Variants in OSBPL6 observed in about 807,000 individuals in gnomAD.
The protein encoded by OSBPL6 is oxysterol binding protein like 6, also known as oxysterol-binding protein-related protein 6.
A neutral mutation model predicts 125.8 loss-of-function variants in OSBPL6; 49 were observed. The observed-to-expected ratio is 0.39, with a 90% CI of 0.31 to 0.49. The LOEUF (loss-of-function observed/expected upper bound fraction) is 0.49. Among genes scored for constraint, OSBPL6 ranks in the 20% least tolerant of loss-of-function variants. The pLI, the probability that OSBPL6 is intolerant of heterozygous loss-of-function variation, is 0.88. For missense variants in OSBPL6, 986 were observed against 1,135.4 expected, an observed-to-expected ratio of 0.87 and a Z score of 1.89; for synonymous variants, 394 against 391.8, an observed-to-expected ratio of 1.01 and a Z score of -0.07.
chr2:178,258,203 C>T (rs532206404), intron 1 of OSBPL6, among the ~76,000 whole-genome samples: 13 of 151,652 alleles, frequency 8.6e-5, no homozygotes, highest in Non-Finnish European at 1.6e-4. Flanking sequence ...CCAATTCAAG[C>T]GCTTCTCCTG....
At chr2:178,274,799 C>T (rs1177686751) in intron 1 of OSBPL6, among the ~76,000 whole-genome samples, 1 of 152,182 alleles carries the variant, frequency 6.6e-6, no homozygotes, top group African/African-American at 2.4e-5. Flanking sequence ...GTTGTCCACT[C>T]AACAGTATGT....
intron 2 of OSBPL6, among the ~76,000 whole-genome samples, chr2:178,285,843 A>G (rs958143219): frequency 2.0e-5 from 3 of 152,136 alleles, no homozygotes; most frequent in Non-Finnish European, 4.4e-5. Flanking sequence ...CCTCTGCTCA[A>G]ACCTTATTTG....
intron 2 of OSBPL6, among the ~76,000 whole-genome samples, chr2:178,299,390 A>G (rs987724028): frequency 2.0e-5 from 3 of 152,172 alleles, no homozygotes; most frequent in Non-Finnish European, 2.9e-5. Flanking sequence ...CTGTACTACT[A>G]CTATTAACCA....
chr2:178,234,880 C>T (rs980169900), intron 1 of OSBPL6, among the ~76,000 whole-genome samples: 1 of 152,134 alleles, frequency 6.6e-6, no homozygotes, highest in Non-Finnish European at 1.5e-5. Context: ...TTAAGAAGCT[C>T]CCTAAAACCT....
intron 18 of OSBPL6, 40 bp downstream of exon 18, chr2:178,384,216 A>G (rs752150085): frequency 6.3e-7 from 1 of 1,597,020 alleles, no homozygotes; most frequent in Non-Finnish European, 8.6e-7. Flanking sequence ...TATATAGGTA[A>G]GAGGACAGTT....
intron 1 of OSBPL6, among the ~76,000 whole-genome samples, chr2:178,251,412 T>C (rs553533231): frequency 2.0e-4 from 30 of 152,056 alleles, no homozygotes; most frequent in Admixed American, 6.6e-4. Flanking sequence ...TATCAGTGTT[T>C]AATTTTCTGT....
chr2:178,233,794 T>C (rs145435623), intron 1 of OSBPL6, among the ~76,000 whole-genome samples: 5 of 152,338 alleles, frequency 3.3e-5, no homozygotes, highest in Non-Finnish European at 7.3e-5. Context: ...TGCGTTGTTG[T>C]GAATGTTAAG....
chr2:178,370,575 T>A (rs923697506), intron 13 of OSBPL6, among the ~76,000 whole-genome samples: 1 of 152,210 alleles, frequency 6.6e-6, no homozygotes. Context: ...TGAGCACTTT[T>A]TCAGGATGAA....
chr2:178,269,109 T>G (rs2092315809), intron 1 of OSBPL6, among the ~76,000 whole-genome samples: 1 of 152,208 alleles, frequency 6.6e-6, no homozygotes, highest in Non-Finnish European at 1.5e-5. Flanking sequence ...CTCATTTAAC[T>G]CTTCTTTAAT....
At chr2:178,322,917 T>A (rs1688367203) in intron 3 of OSBPL6, among the ~76,000 whole-genome samples, 1 of 144,542 alleles carries the variant, frequency 6.9e-6, no homozygotes, top group Admixed American at 6.9e-5. Flanking sequence ...CTCATGCATT[T>A]AAAAAAAAAA....
In OSBPL6 at chr2:178,397,901, A is replaced by G. The variant is rs1307568805; in HGVS notation, c.*2342A>G. Reference sequence around the variant, plus strand: ...ACTCTGATGAGGACTTCAAGATGAGAATGAGAAAAATGTCTATTAAAATCA... The same window carrying G: ...ACTCTGATGAGGACTTCAAGATGAGGATGAGAAAAATGTCTATTAAAATCA... On this transcript the variant is annotated 3_prime_UTR_variant, in exon 25 of 25. Coordinates refer to ENST00000190611, the MANE Select transcript of OSBPL6 (RefSeq NM_032523.4). 1 of 152,238 alleles carries G rather than the reference A, an allele frequency of 6.6e-6. No individual in the cohort carries two copies. Among genetic ancestry groups the G allele is most frequent in the Non-Finnish European group, 1.5e-5 (1 of 68,036 alleles). 9.4% of individuals were successfully genotyped at this position (152,238 alleles called of 1,614,324 possible).
intron 1 of OSBPL6, among the ~76,000 whole-genome samples, chr2:178,229,319 C>T (rs2090712986): frequency 6.6e-6 from 1 of 152,122 alleles, no homozygotes; most frequent in African/African-American, 2.4e-5. Context: ...GATCTCTAGA[C>T]CGTGCATGGT....
chr2:178,301,064 G>A lies in OSBPL6; in HGVS notation c.-155-4966G>A, dbSNP rs1316492108. Among the ~76,000 whole-genome samples the A allele has an allele frequency of 5.3e-5, 8 of 151,960 alleles. No homozygotes were observed. The East Asian group carries it at 1.5e-3, about 29-fold the overall frequency. ...AATTGGAAATACTTCACTAAAATTA[G>A]ATTTTTTGAACAATTCAACCTGATC... On this transcript the variant is annotated intron_variant, in intron 2 of 24. Coordinates refer to ENST00000190611, the MANE Select transcript of OSBPL6 (RefSeq NM_032523.4).
At chr2:178,305,522 T>C (rs1475841669) in intron 2 of OSBPL6, among the ~76,000 whole-genome samples, 2 of 152,216 alleles carry the variant, frequency 1.3e-5, no homozygotes, top group Non-Finnish European at 2.9e-5. Flanking sequence ...TACAAATAAA[T>C]GTGGATATAT....
chr2:178,325,481 A>C (rs76275487), intron 4 of OSBPL6, among the ~76,000 whole-genome samples: 7,100 of 152,322 alleles, frequency 0.047, 329 homozygotes, highest in Admixed American at 0.14. Flanking sequence ...ATAAAACATA[A>C]GTGGTCTGAC....
chr2:178,262,433 G>A (rs1240031166), intron 1 of OSBPL6, among the ~76,000 whole-genome samples: 1 of 151,990 alleles, frequency 6.6e-6, no homozygotes, highest in Non-Finnish European at 1.5e-5. Flanking sequence ...AGTATTTTAG[G>A]GTAGTAACAA....
intron 15 of OSBPL6, among the ~76,000 whole-genome samples, chr2:178,378,779 C>T (rs1575017389): frequency 6.6e-6 from 1 of 152,322 alleles, no homozygotes; most frequent in Admixed American, 6.5e-5. Context: ...GACATGTATA[C>T]ATCTTACTCA....
chr2:178,230,350 G>A lies in OSBPL6; in HGVS notation c.-351+35676G>A, dbSNP rs111367340. 7.6e-4 allele frequency: 115 copies of A among 152,314 alleles called. 2 individuals are homozygous for A. Among genetic ancestry groups the A allele is most frequent in the African/African-American group, 2.7e-3 (112 of 41,578 alleles). The allele number at this position is 152,314 out of a possible 1,614,324, so 9.4% of individuals were successfully genotyped here. A position where few individuals can be genotyped will look rare whatever the true frequency, so the allele number is the denominator to read the frequency against. ...GAATGGATACTGAAGGCAGTTTGCA[G>A]TTTTACTGCAATAGGTGGGCACAGT... On this transcript the variant is annotated intron_variant, in intron 1 of 24. Coordinates refer to ENST00000190611, the MANE Select transcript of OSBPL6 (RefSeq NM_032523.4).
Position 178,392,372 on chromosome 2 carries a change from A to G in OSBPL6, c.2447-40A>G, listed in dbSNP as rs1695479377. The G allele has an allele frequency of 3.1e-6, 5 of 1,609,410 alleles. No individual in the cohort carries two copies. The African/African-American group carries it at 4.0e-5, about 13-fold the overall frequency. On this transcript the variant is annotated intron_variant, in intron 22 of 24. Transcript: ENST00000190611. ...AAGTCAGCTTCTTCCAGTTCCATAA[A>G]CCTTCTGCCTCTCACAGTGGTTCAT...
Sources: gnomAD v4.1 joint callset for allele counts (sites outside exome capture counted in the v4.1 genomes callset) on GRCh38, gnomAD v4.1.1 for gene constraint, MANE v1.5 for transcripts, NCBI Gene and HGNC (gene_info 2026-07-23, HGNC 2026-07-21) for gene names.